The following STRBP variants were observed in gnomAD, a reference collection of about 807,000 sequenced individuals.
STRBP encodes spermatid perinuclear RNA binding protein.
In STRBP, 13 loss-of-function variants were observed where a neutral mutation model predicts 80.1. That is an observed-to-expected ratio of 0.16 (90% CI 0.11 to 0.26). STRBP has a LOEUF of 0.26. Among genes scored for constraint, STRBP ranks in the 10% least tolerant of loss-of-function variants. The pLI is 1.00. For synonymous variants in STRBP, 284 were observed against 291.2 expected (o/e 0.98, Z 0.25); for missense variants, 485 against 815.2 (o/e 0.59, Z 4.93).
intron 1 of STRBP, among the ~76,000 whole-genome samples, chr9:123,238,118 T>C (rs185826747): frequency 1.5e-4 from 23 of 152,338 alleles, no homozygotes; most frequent in Admixed American, 1.2e-3. Flanking sequence ...GCAAAGTGCA[T>C]AGCACACAGC....
intron 2 of STRBP, among the ~76,000 whole-genome samples, chr9:123,216,326 T>G (rs2039896289): frequency 6.6e-6 from 1 of 152,250 alleles, no homozygotes. Context: ...CCCTAGTATA[T>G]ATCACAATGC....
chr9:123,244,853 A>G (rs971179100), intron 1 of STRBP, among the ~76,000 whole-genome samples: 5 of 152,236 alleles, frequency 3.3e-5, no homozygotes, highest in Non-Finnish European at 7.3e-5. Flanking sequence ...GCCCATCCAC[A>G]AATGTTCACA....
At chr9:123,156,609 C>T (rs1198949652) in intron 11 of STRBP, among the ~76,000 whole-genome samples, 4 of 150,434 alleles carry the variant, frequency 2.7e-5, no homozygotes, top group Non-Finnish European at 2.9e-5. Context: ...ATCAGAGCAA[C>T]GATCTCATCA....
chr9:123,137,621 T>C (rs2036414555), intron 14 of STRBP, among the ~76,000 whole-genome samples: 1 of 152,120 alleles, frequency 6.6e-6, no homozygotes, highest in Admixed American at 6.5e-5. Flanking sequence ...TTGGCCAGGG[T>C]GCACTCAAAC....
At chr9:123,116,184 G>A in intron 2 of STRBP, 1 of 441,868 alleles carries the variant, frequency 2.3e-6, no homozygotes, top group South Asian at 1.6e-5. Flanking sequence ...ACACCAGATT[G>A]CTCTGGAAAA....
intron 5 of STRBP, among the ~76,000 whole-genome samples, chr9:123,172,235 C>A (rs1340522882): frequency 6.6e-6 from 1 of 152,082 alleles, no homozygotes; most frequent in Non-Finnish European, 1.5e-5. Flanking sequence ...GGTGAAAAAG[C>A]CACTAGTATG....
chr9:123,115,837 A>G lies in STRBP; in HGVS notation c.*84+92T>C. ...CTGCGTCTGTCATCGCGGGAGGTGT[A>G]TTTTAGCTCAAATTGCCCCACTGGC... is the stretch of plus-strand genomic sequence containing the variant. On this transcript the variant is annotated intron_variant and NMD_transcript_variant, in intron 3 of 3. Transcript: ENST00000471564. This position sits in a 1 kb window ranked among gnomAD's most constrained non-coding sequence, Gnocchi z 5.0. 1 of 358,334 alleles carries G rather than the reference A, an allele frequency of 2.8e-6. No homozygotes were observed. The highest frequency in any genetic ancestry group is 5.5e-6 in the Non-Finnish European group (1 of 182,222). The allele number at this position is 358,334 out of a possible 1,614,324, so 22.2% of individuals were successfully genotyped here.
intron 14 of STRBP, among the ~76,000 whole-genome samples, chr9:123,138,219 T>G (rs2036442001): frequency 6.6e-6 from 1 of 152,204 alleles, no homozygotes; most frequent in Non-Finnish European, 1.5e-5. Flanking sequence ...CCTTTCTAAT[T>G]ACCTTTGTAC....
intron 11 of STRBP, among the ~76,000 whole-genome samples, chr9:123,155,839 A>T (rs72616643): frequency 0.067 from 10,198 of 152,076 alleles, 1,245 homozygotes; most frequent in East Asian, 0.53. Context: ...TGCATAAGGA[A>T]ATCACCGAGA....
intron 2 of STRBP, among the ~76,000 whole-genome samples, chr9:123,116,390 T>C (rs1187743437): frequency 1.3e-5 from 2 of 152,178 alleles, no homozygotes; most frequent in African/African-American, 4.8e-5. Context: ...CACTTTATTA[T>C]AGGGTTCAGT....
At chr9:123,263,066 T>C (rs761056971) in intron 1 of STRBP, among the ~76,000 whole-genome samples, 1 of 152,182 alleles carries the variant, frequency 6.6e-6, no homozygotes, top group Non-Finnish European at 1.5e-5. Context: ...ACAGTTTCTG[T>C]AGCTAAACGA....
chr9:123,189,489 C>T (rs150812611), intron 2 of STRBP, among the ~76,000 whole-genome samples: 2,249 of 148,550 alleles, frequency 0.015, 30 homozygotes, highest in South Asian at 0.061. Flanking sequence ...AAATGTGGCA[C>T]GTATACACCA....
At chr9:123,141,033 C>T (rs752133398) in intron 13 of STRBP, among the ~76,000 whole-genome samples, 2 of 152,200 alleles carry the variant, frequency 1.3e-5, no homozygotes, top group Non-Finnish European at 1.5e-5. Flanking sequence ...CCCTTGCATT[C>T]GTTTCCATTT....
intron 6 of STRBP, among the ~76,000 whole-genome samples, chr9:123,166,532 T>C (rs910797616): frequency 2.0e-5 from 3 of 152,080 alleles, no homozygotes; most frequent in East Asian, 3.9e-4. Flanking sequence ...GGCGGGCAAA[T>C]TGCCTGAGCT....
At chr9:123,226,687 G>A (rs2040246095) in intron 2 of STRBP, among the ~76,000 whole-genome samples, 1 of 151,832 alleles carries the variant, frequency 6.6e-6, no homozygotes, top group Non-Finnish European at 1.5e-5. Context: ...CACGCACTGT[G>A]ACACTTTAGG....
chr9:123,125,813 GCCCATA>G, intron 18 of STRBP, 140 bp from the exon 19 acceptor site: 1 of 535,790 alleles, frequency 1.9e-6, no homozygotes, highest in Non-Finnish European at 3.2e-6. Context: ...TTTGCAAGAG[GCCCATA>G]AATCGCTCAC....
At chr9:123,163,787 A>T (rs1426912525) in intron 6 of STRBP, among the ~76,000 whole-genome samples, 1 of 152,188 alleles carries the variant, frequency 6.6e-6, no homozygotes, top group African/African-American at 2.4e-5. Context: ...CTGGGAAAAC[A>T]CTGCTACCCT....
intron 2 of STRBP, among the ~76,000 whole-genome samples, chr9:123,200,512 T>C (rs1375745835): frequency 6.6e-6 from 1 of 151,872 alleles, no homozygotes; most frequent in Non-Finnish European, 1.5e-5. Flanking sequence ...GAATGTCTGG[T>C]AGAATTCAGC....
At chr9:123,151,019 C>T (rs1172619751) in intron 11 of STRBP, among the ~76,000 whole-genome samples, 2 of 152,110 alleles carry the variant, frequency 1.3e-5, no homozygotes, top group East Asian at 3.9e-4. Context: ...TTTAAATTAT[C>T]TACAATTTCT....
Sources: allele counts gnomAD v4.1 joint callset (sites outside exome capture counted in the v4.1 genomes callset), GRCh38; gene constraint gnomAD v4.1.1; non-coding constraint Gnocchi (gnomAD v3.1); transcripts MANE v1.5; gene names NCBI Gene and HGNC (gene_info 2026-07-23, HGNC 2026-07-21).